The following RBL1 variants were observed in gnomAD, a reference collection of about 807,000 sequenced individuals.
The protein encoded by RBL1 is retinoblastoma-like protein 1.
A neutral mutation model predicts 123.0 loss-of-function variants in RBL1; 82 were observed. The ratio of observed to expected loss-of-function variants is 0.67; its 90% CI spans 0.56 to 0.80. The LOEUF is 0.80. Ranked by LOEUF, RBL1 falls within the 30% of genes least tolerant of loss-of-function variation. The probability of loss-of-function intolerance (pLI) is 0.00; values close to 1 mark genes in which losing one functional copy is unlikely to be tolerated. For synonymous variants in RBL1, 405 were observed against 441.3 expected (o/e 0.92, Z 1.03); for missense variants, 1,171 against 1,299.6 (o/e 0.90, Z 1.52).
chr20:37,034,347 T>C (rs2064567955), intron 15 of RBL1, among the ~76,000 whole-genome samples: 1 of 152,210 alleles, frequency 6.6e-6, no homozygotes, highest in African/African-American at 2.4e-5. Context: ...GGGATACATT[T>C]ATAGTTTAAA....
At chr20:37,076,242 C>T (rs574612795) in intron 2 of RBL1, among the ~76,000 whole-genome samples, 106 of 152,230 alleles carry the variant, frequency 7.0e-4, no homozygotes, top group African/African-American at 2.5e-3. Flanking sequence ...AGTACAGAAC[C>T]ATATATAGAG....
chr20:37,045,071 CATTTATTTACTTATTT>C (rs1272644653), intron 12 of RBL1, among the ~76,000 whole-genome samples: 2 of 142,610 alleles, frequency 1.4e-5, no homozygotes, highest in African/African-American at 5.2e-5. Context: ...TTAATATTCA[CATTTATTTACTTATTT>C]ATTTATTTAT....
chr20:36,999,536 T>C (rs1372786055), intron 21 of RBL1, among the ~76,000 whole-genome samples: 2 of 146,752 alleles, frequency 1.4e-5, no homozygotes, highest in Non-Finnish European at 3.0e-5. Context: ...CTCCCCCTGA[T>C]GCCGAGCCAA....
intron 11 of RBL1, among the ~76,000 whole-genome samples, chr20:37,054,923 A>C (rs1455206175): frequency 6.6e-6 from 1 of 152,218 alleles, no homozygotes; most frequent in African/African-American, 2.4e-5. Flanking sequence ...AGACACAGAA[A>C]AGAGAAACCA....
chr20:37,048,516 T>C (rs539639512), intron 11 of RBL1, among the ~76,000 whole-genome samples: 77 of 152,288 alleles, frequency 5.1e-4, no homozygotes, highest in African/African-American at 1.7e-3. Context: ...TTTACAGATA[T>C]GTCTCTGGAG....
intron 19 of RBL1, among the ~76,000 whole-genome samples, chr20:37,012,663 C>T (rs2064177210): frequency 6.6e-6 from 1 of 151,474 alleles, no homozygotes; most frequent in African/African-American, 2.4e-5. Flanking sequence ...AGCGTCTCCG[C>T]CCGGCAGCCA....
At chr20:37,031,767 C>T (rs1181472686) in intron 16 of RBL1, among the ~76,000 whole-genome samples, 1 of 152,050 alleles carries the variant, frequency 6.6e-6, no homozygotes, top group East Asian at 1.9e-4. Context: ...AAGACAGGGC[C>T]TCGTTCTGTT....
At position 37,003,685 on chromosome 20, in the gene RBL1, T is replaced by C; in HGVS notation, c.3036+17A>G. The C allele has an allele frequency of 6.3e-7, 1 of 1,575,162 alleles. No homozygotes were observed. The highest frequency in any genetic ancestry group is 1.4e-5 in the African/African-American group (1 of 73,384). On this transcript the variant is annotated intron_variant, in intron 21 of 21. Coordinates refer to ENST00000373664, the MANE Select transcript of RBL1 (RefSeq NM_002895.5). The stretch of plus-strand genomic sequence containing the variant: ...GACTGTTAATCTGAAATCCAACTTT[T>C]AGCCTATTCACCTTACCTTAGAAGG...
chr20:37,075,056 A>G (rs1418557748), intron 2 of RBL1, among the ~76,000 whole-genome samples: 1 of 152,246 alleles, frequency 6.6e-6, no homozygotes, highest in Non-Finnish European at 1.5e-5. Context: ...CTGCTGATAC[A>G]TGCTACATCA....
chr20:37,043,934 GT>G (rs2064773387), intron 13 of RBL1, 151 bp downstream of exon 13: 1 of 502,658 alleles, frequency 2.0e-6, no homozygotes, highest in Non-Finnish European at 3.3e-6. Context: ...TAAAATTGTG[GT>G]TATGGCTGCA....
intron 2 of RBL1, among the ~76,000 whole-genome samples, chr20:37,068,988 G>A (rs1231374394): frequency 6.6e-6 from 1 of 152,262 alleles, no homozygotes; most frequent in African/African-American, 2.4e-5. Context: ...GCCTGCGATT[G>A]CAGGCTCGGG....
chr20:37,049,266 G>C lies in RBL1; in HGVS notation c.1468-2076C>G, dbSNP rs148496882. On this transcript the variant is annotated intron_variant, in intron 11 of 21. Coordinates refer to ENST00000373664, the MANE Select transcript of RBL1 (RefSeq NM_002895.5). ...CCGCCATCTGCAAATGCAGATTTTC[G>C]TGAAAACCCTTACAGGGAAAACCAT... The C allele has an allele frequency of 9.5e-4, 505 of 532,210 alleles. 5 individuals carry two copies. The East Asian group carries it at 0.015, about 16-fold the overall frequency. 33.0% of individuals were successfully genotyped at this position (532,210 alleles called of 1,614,324 possible).
rs767948004 is a variant in RBL1 at position 37,061,099 on chromosome 20, A to G, written c.1250+4T>C. 4.4e-6 allele frequency: 7 copies of G among 1,599,474 alleles called. No homozygotes were observed. Among genetic ancestry groups the G allele is most frequent in the Non-Finnish European group, 2.6e-6 (3 of 1,171,822 alleles). On this transcript the variant is annotated splice_donor_region_variant and intron_variant, in intron 9 of 21. Coordinates refer to ENST00000373664, the MANE Select transcript of RBL1 (RefSeq NM_002895.5). ...ATTTGGAAAAATAACAGTATTGTAC[A>G]TACTCAAAAATATTTATAAGTTGGT...
intron 12 of RBL1, 121 bp downstream of exon 12, chr20:37,046,932 A>C: frequency 7.4e-7 from 1 of 1,347,478 alleles, no homozygotes. Context: ...TATTTTCAGA[A>C]CACATCTGGA....
intron 15 of RBL1, 30 bp from the exon 16 acceptor site, chr20:37,032,906 C>G: frequency 1.9e-6 from 3 of 1,611,572 alleles, no homozygotes; most frequent in Non-Finnish European, 2.5e-6. Context: ...TAGAAATAAT[C>G]TGCATATGTT....
intron 9 of RBL1, among the ~76,000 whole-genome samples, chr20:37,057,740 G>C (rs2065031501): frequency 6.6e-6 from 1 of 152,116 alleles, no homozygotes; most frequent in South Asian, 2.1e-4. Context: ...TATATTCCCA[G>C]CACTTCGGGA....
chr20:37,051,469 C>T (rs2064912018), intron 11 of RBL1, among the ~76,000 whole-genome samples: 2 of 152,166 alleles, frequency 1.3e-5, no homozygotes, highest in South Asian at 2.1e-4. Context: ...GGGTAAGCCA[C>T]AGCACCTGGC....
rs561007120 is a variant in RBL1 at position 37,035,268 on chromosome 20, C to T, written c.2144G>A (p.Gly715Glu). The change falls in exon 15 of 22, where the codon GGA becomes GAA. Residue 715 changes from glycine to glutamate, a missense_variant. Gly to Glu is a moderately conservative substitution (Grantham distance 98). Coordinates refer to ENST00000373664, the MANE Select transcript of RBL1 (RefSeq NM_002895.5). The part of the protein sequence containing the change: ...MATAPVTGTT[G>E]HKVTIPLHGV... ...ATGTAATGGAATTGTAACTTTATGTCCTGTTGTTCCTGTTACTGGGGCTGT... is the reference window on the plus strand; with the variant it reads ...ATGTAATGGAATTGTAACTTTATGTTCTGTTGTTCCTGTTACTGGGGCTGT... 3.4e-5 allele frequency: 55 copies of T among 1,613,574 alleles called. No individual in the cohort carries two copies. In the South Asian group the frequency reaches 5.2e-4, roughly 15 times the overall value.
intron 19 of RBL1, 100 bp downstream of exon 19, chr20:37,018,179 T>G: frequency 2.3e-6 from 3 of 1,323,646 alleles, no homozygotes; most frequent in Non-Finnish European, 3.0e-6. Flanking sequence ...CCACCTCACC[T>G]CCTTATGATT....
Sources: allele counts gnomAD v4.1 joint callset (sites outside exome capture counted in the v4.1 genomes callset), GRCh38; gene constraint gnomAD v4.1.1; transcripts MANE v1.5; gene names NCBI Gene and HGNC (gene_info 2026-07-23, HGNC 2026-07-21).